Variants in RAPGEF5 observed in about 807,000 individuals in gnomAD.
RAPGEF5 encodes Rap guanine nucleotide exchange factor 5.
In RAPGEF5, 65 loss-of-function variants were observed where a neutral mutation model predicts 125.2. The observed-to-expected ratio is 0.52, with a 90% CI of 0.43 to 0.64. The LOEUF is 0.64. Among genes scored for constraint, RAPGEF5 ranks in the 30% least tolerant of loss-of-function variants. RAPGEF5 has a pLI of 0.00. For missense variants in RAPGEF5, 958 were observed against 1,048.1 expected (o/e 0.91, Z 1.19); for synonymous variants, 391 against 385.9 (o/e 1.01, Z -0.16).
chr7:22,280,198 A>G (rs978333302), intron 6 of RAPGEF5, among the ~76,000 whole-genome samples: 10 of 152,188 alleles, frequency 6.6e-5, no homozygotes, highest in African/African-American at 2.4e-4. Context: ...CATACAGGAA[A>G]AAAAAGAGAT....
At chr7:22,228,955 G>A (rs1785991167) in intron 8 of RAPGEF5, among the ~76,000 whole-genome samples, 2 of 152,066 alleles carry the variant, frequency 1.3e-5, no homozygotes, top group Non-Finnish European at 2.9e-5. Context: ...GTTTTATGTT[G>A]CTTCATTTCA....
At chr7:22,171,747 G>A (rs1341294737) in intron 11 of RAPGEF5, among the ~76,000 whole-genome samples, 4 of 152,114 alleles carry the variant, frequency 2.6e-5, no homozygotes, top group Admixed American at 6.5e-5. Flanking sequence ...TGATCTGCCC[G>A]CCTCAGCCTC....
chr7:22,203,869 G>C (rs1785337036), intron 9 of RAPGEF5, among the ~76,000 whole-genome samples: 1 of 152,272 alleles, frequency 6.6e-6, no homozygotes, highest in South Asian at 2.1e-4. Flanking sequence ...TTGAGATCAC[G>C]TCGGAAGAAA....
intron 2 of RAPGEF5, among the ~76,000 whole-genome samples, chr7:22,316,480 TATATATATA>T (rs148527327): frequency 0.013 from 664 of 50,166 alleles, 7 homozygotes; most frequent in East Asian, 0.022. Context: ...TATATATATA[TATATATATA>T]TTTTTTTTTT....
At chr7:22,153,561 A>G (rs1783701080) in intron 17 of RAPGEF5, among the ~76,000 whole-genome samples, 1 of 152,194 alleles carries the variant, frequency 6.6e-6, no homozygotes, top group Non-Finnish European at 1.5e-5. Flanking sequence ...TGTGAGCAAC[A>G]AAGCCATAGG....
intron 1 of RAPGEF5, among the ~76,000 whole-genome samples, chr7:22,329,897 G>C (rs1246576480): frequency 6.6e-6 from 1 of 152,090 alleles, no homozygotes; most frequent in African/African-American, 2.4e-5. Context: ...TGCTCCCGCC[G>C]CTCCCACACA....
At chr7:22,255,415 C>A (rs1786735043) in intron 7 of RAPGEF5, among the ~76,000 whole-genome samples, 1 of 151,872 alleles carries the variant, frequency 6.6e-6, no homozygotes, top group Admixed American at 6.6e-5. Flanking sequence ...ATAGCAAGAC[C>A]CTATTTCTAC....
intron 19 of RAPGEF5, among the ~76,000 whole-genome samples, chr7:22,145,775 G>C (rs1783416212): frequency 6.6e-6 from 1 of 152,160 alleles, no homozygotes; most frequent in South Asian, 2.1e-4. Flanking sequence ...AAGTCCCGCT[G>C]ATGATGCTGG....
At chr7:22,350,647 G>T (rs1434100466) in intron 1 of RAPGEF5, among the ~76,000 whole-genome samples, 1 of 152,206 alleles carries the variant, frequency 6.6e-6, no homozygotes, top group Non-Finnish European at 1.5e-5. Flanking sequence ...CACAGCCTGT[G>T]TCTTTTCCTG....
At chr7:22,172,553 A>C (rs1451222574) in intron 11 of RAPGEF5, among the ~76,000 whole-genome samples, 1 of 152,206 alleles carries the variant, frequency 6.6e-6, no homozygotes, top group East Asian at 1.9e-4. Flanking sequence ...AGCTCTAAAA[A>C]TTCCCATTTT....
Position 22,197,893 on chromosome 7 carries a change from T to TGC in RAPGEF5, c.997-3861_997-3860insGC, listed in dbSNP as rs1554327471. Among the ~76,000 whole-genome samples, 338 of 116,356 alleles carry TGC rather than the reference T, an allele frequency of 2.9e-3. 2 individuals carry two copies. Among genetic ancestry groups the TGC allele is most frequent in the African/African-American group, 1.0e-2 (293 of 29,366 alleles). 76.3% of individuals were successfully genotyped at this position (116,356 alleles called of 152,430 possible). A position where few individuals can be genotyped will look rare whatever the true frequency, so the allele number is the denominator to read the frequency against. Reference sequence around the variant, plus strand: ...ATTAAATCTCTTTTTTCTTTTTTTTTGGGGGGGGGTGGTAGGAGGACATTC... The same window carrying TGC: ...ATTAAATCTCTTTTTTCTTTTTTTTTGCGGGGGGGGGTGGTAGGAGGACATTC... On this transcript the variant is annotated intron_variant, in intron 9 of 25. Coordinates refer to ENST00000665637, the MANE Select transcript of RAPGEF5 (RefSeq NM_012294.5).
intron 7 of RAPGEF5, among the ~76,000 whole-genome samples, chr7:22,248,248 T>C (rs555919290): frequency 6.6e-6 from 1 of 152,312 alleles, no homozygotes; most frequent in African/African-American, 2.4e-5. Flanking sequence ...TGTGATCTTT[T>C]GATGACACTG....
chr7:22,155,410 G>A (rs1783772608), intron 16 of RAPGEF5, among the ~76,000 whole-genome samples: 1 of 152,180 alleles, frequency 6.6e-6, no homozygotes, highest in Non-Finnish European at 1.5e-5. Context: ...TACTATAAAT[G>A]TATAAAATGC....
intron 18 of RAPGEF5, 103 bp downstream of exon 18, chr7:22,150,304 C>A: frequency 8.5e-7 from 1 of 1,181,452 alleles, no homozygotes; most frequent in South Asian, 1.6e-5. Context: ...AACTTCTGAG[C>A]TCAAGCCATC....
chr7:22,169,505 C>T (rs962790494), intron 11 of RAPGEF5, among the ~76,000 whole-genome samples: 3 of 152,026 alleles, frequency 2.0e-5, no homozygotes, highest in African/African-American at 7.3e-5. Context: ...TACAACATTT[C>T]TCTGTGTTAA....
At chr7:22,130,850 G>A (rs1782893510) in intron 24 of RAPGEF5, 187 bp downstream of exon 24, 1 of 719,838 alleles carries the variant, frequency 1.4e-6, no homozygotes, top group Non-Finnish European at 2.2e-6. Context: ...GTTGTTAATT[G>A]GAATACATTT....
intron 7 of RAPGEF5, among the ~76,000 whole-genome samples, chr7:22,263,743 A>AT (rs1782216035): frequency 2.7e-5 from 4 of 146,358 alleles, no homozygotes; most frequent in Admixed American, 2.1e-4. Context: ...AAAACAAAAA[A>AT]CAAAAAAAAA....
chr7:22,231,436 C>A (rs1398708780), intron 7 of RAPGEF5, among the ~76,000 whole-genome samples: 1 of 152,158 alleles, frequency 6.6e-6, no homozygotes, highest in African/African-American at 2.4e-5. Flanking sequence ...GCCCTTATCA[C>A]CCTTTCTTCA....
intron 7 of RAPGEF5, among the ~76,000 whole-genome samples, chr7:22,260,532 TAA>T (rs71550468): frequency 7.2e-5 from 9 of 124,146 alleles, no homozygotes; most frequent in Non-Finnish European, 8.7e-5. Context: ...TTAGGACCAG[TAA>T]AAAAAAAAAA....
Sources: allele counts gnomAD v4.1 joint callset (sites outside exome capture counted in the v4.1 genomes callset), GRCh38; gene constraint gnomAD v4.1.1; transcripts MANE v1.5; gene names NCBI Gene and HGNC (gene_info 2026-07-23, HGNC 2026-07-21).